THSD4: variants seen among roughly 807,000 people sequenced by gnomAD.
THSD4 encodes the protein thrombospondin type 1 domain containing 4.
In THSD4, 69 loss-of-function variants were observed where a neutral mutation model predicts 119.0. The observed-to-expected ratio is 0.58, with a 90% confidence interval of 0.48 to 0.71. THSD4 has a LOEUF of 0.71. Among genes scored for constraint, THSD4 ranks in the 30% least tolerant of loss-of-function variants. The probability of loss-of-function intolerance (pLI) is 0.00; values close to 1 mark genes in which losing one functional copy is unlikely to be tolerated. For missense variants in THSD4, 1,393 were observed against 1,391.1 expected (o/e 1.00, Z -0.02); for synonymous variants, 524 against 540.4 (o/e 0.97, Z 0.42).
rs1283157884 is a variant in THSD4 at position 71,215,183 on chromosome 15, G to A, written c.248G>A (p.Arg83His). The A allele has an allele frequency of 5.1e-6, 7 of 1,364,922 alleles. 1 individual carries two copies. In the South Asian group the frequency reaches 6.7e-5, roughly 13 times the overall value. 84.6% of individuals were successfully genotyped at this position (1,364,922 alleles called of 1,614,324 possible). A position where few individuals can be genotyped will look rare whatever the true frequency, so the allele number is the denominator to read the frequency against. ...VMEQTRPCLP[R>H]SYRLRGGQRP... ...GAGCAGACGCGGCCCTGCCTGCCCCGCTCCTACCGCCTGCGCGGCGGCCAG... is the reference window on the plus strand; with the variant it reads ...GAGCAGACGCGGCCCTGCCTGCCCCACTCCTACCGCCTGCGCGGCGGCCAG... Residue 83 changes from arginine (R) to histidine (H), a missense_variant, in exon 4 of 18, where the codon CGC becomes CAC. Transcript: ENST00000261862.
At chr15:71,288,102 TATCAAAAAAAATGA>T (rs1209356628) in intron 6 of THSD4, among the ~76,000 whole-genome samples, 1 of 152,202 alleles carries the variant, frequency 6.6e-6, no homozygotes, top group African/African-American at 2.4e-5. Context: ...GTAAAATGCT[TATCAAAAAAAATGA>T]ATTATACAGT....
intron 7 of THSD4, among the ~76,000 whole-genome samples, chr15:71,596,756 G>A (rs4238442): frequency 0.91 from 139,039 of 152,252 alleles, 64,887 homozygotes; most frequent in East Asian, 1. Context: ...AGAATCCTGC[G>A]GGCCTCCTGG....
At chr15:71,682,992 C>T (rs1379610924) in intron 8 of THSD4, among the ~76,000 whole-genome samples, 1 of 143,106 alleles carries the variant, frequency 7.0e-6, no homozygotes, top group Non-Finnish European at 1.5e-5. Flanking sequence ...GCAATCATGG[C>T]TCACTGCAGC....
At chr15:71,554,453 A>G (rs1466274388) in intron 7 of THSD4, among the ~76,000 whole-genome samples, 5 of 151,768 alleles carry the variant, frequency 3.3e-5, no homozygotes, top group Non-Finnish European at 5.9e-5. Context: ...CAGTGCCCCA[A>G]TCACGTCTCA....
At chr15:71,718,455 A>C (rs2052651445) in intron 8 of THSD4, among the ~76,000 whole-genome samples, 1 of 152,164 alleles carries the variant, frequency 6.6e-6, no homozygotes, top group Non-Finnish European at 1.5e-5. Flanking sequence ...GAGGCATGGT[A>C]GGTACGTGAG....
chr15:71,523,365 CTGTGTTTCTCTT>C (rs1446643495), intron 7 of THSD4, among the ~76,000 whole-genome samples: 5 of 152,196 alleles, frequency 3.3e-5, no homozygotes, highest in Non-Finnish European at 5.9e-5. Flanking sequence ...TCTTTTCTCT[CTGTGTTTCTCTT>C]CTGTGTGTCT....
chr15:71,632,624 TC>T (rs1416385128), intron 7 of THSD4, among the ~76,000 whole-genome samples: 5 of 152,262 alleles, frequency 3.3e-5, no homozygotes, highest in African/African-American at 1.2e-4. Context: ...TGGAGTGAAC[TC>T]CCCTAACCCA....
chr15:71,108,238 C>T (rs1228358048), intron 1 of THSD4, among the ~76,000 whole-genome samples: 1 of 152,158 alleles, frequency 6.6e-6, no homozygotes, highest in Non-Finnish European at 1.5e-5. Context: ...CAAAACTGTT[C>T]CTGAACAAAC....
intron 7 of THSD4, among the ~76,000 whole-genome samples, chr15:71,585,543 T>C (rs2140858620): frequency 6.6e-6 from 1 of 152,336 alleles, no homozygotes; most frequent in Non-Finnish European, 1.5e-5. Context: ...TTGGTTATAA[T>C]GTGTCTCAGT....
rs540470993 is a variant in THSD4 at position 71,448,998 on chromosome 15, G to C, written c.1152+37175G>C. ...GTACATACAAACCCCCTTGCCTTCT[G>C]TTCATTCTCCCTCACAGCAGCCAAA... On this transcript the variant is annotated intron_variant, in intron 7 of 17. Coordinates refer to ENST00000261862, the MANE Select transcript of THSD4 (RefSeq NM_024817.3). Among the ~76,000 whole-genome samples the C allele has an allele frequency of 8.5e-5, 13 of 152,280 alleles. No homozygotes were observed. In the South Asian group the frequency reaches 2.7e-3, roughly 32 times the overall value.
chr15:71,687,745 A>C (rs1356234623), intron 8 of THSD4, among the ~76,000 whole-genome samples: 2 of 119,738 alleles, frequency 1.7e-5, no homozygotes, highest in African/African-American at 6.1e-5. Context: ...ACAAGAGTGA[A>C]ACTCTGTCTC....
At chr15:71,511,990 GC>G (rs1484040100) in intron 7 of THSD4, among the ~76,000 whole-genome samples, 1 of 152,104 alleles carries the variant, frequency 6.6e-6, no homozygotes, top group African/African-American at 2.4e-5. Flanking sequence ...TGCTGTTTGG[GC>G]CATCTAGGCA....
intron 2 of THSD4, among the ~76,000 whole-genome samples, chr15:71,143,282 T>C (rs1043144095): frequency 3.3e-5 from 5 of 152,232 alleles, no homozygotes; most frequent in South Asian, 4.2e-4. Context: ...TTTTTAAAAC[T>C]ATAGTTTAAA....
intron 1 of THSD4, 98 bp from the exon 2 acceptor site, chr15:71,141,351 A>G: frequency 1.6e-6 from 1 of 628,594 alleles, no homozygotes; most frequent in Non-Finnish European, 2.6e-6. Flanking sequence ...TTGTTTTAGT[A>G]TCTTCCATTT....
chr15:71,354,555 T>C (rs1267407353), intron 6 of THSD4, among the ~76,000 whole-genome samples: 2 of 152,232 alleles, frequency 1.3e-5, no homozygotes, highest in Non-Finnish European at 2.9e-5. Flanking sequence ...AACATAAATT[T>C]GTTGAATGCC....
intron 7 of THSD4, among the ~76,000 whole-genome samples, chr15:71,655,125 T>C (rs1181259202): frequency 1.3e-5 from 2 of 152,180 alleles, no homozygotes; most frequent in East Asian, 1.9e-4. Context: ...CTGGAAAAAA[T>C]ACAAAGGACA....
chr15:71,713,574 G>A (rs1298737483), intron 8 of THSD4, among the ~76,000 whole-genome samples: 1 of 152,106 alleles, frequency 6.6e-6, no homozygotes, highest in Non-Finnish European at 1.5e-5. Flanking sequence ...AAGCTTCATT[G>A]TGATATTTCA....
intron 7 of THSD4, among the ~76,000 whole-genome samples, chr15:71,428,765 C>G (rs2046906388): frequency 6.6e-6 from 1 of 152,146 alleles, no homozygotes; most frequent in Admixed American, 6.5e-5. Context: ...CCCCAGGGCC[C>G]CAACAGGAAA....
Position 71,373,860 on chromosome 15 carries a change from A to G in THSD4, c.1016-37827A>G, listed in dbSNP as rs557551114. The stretch of plus-strand genomic sequence containing the variant: ...TGAGTGAGTGTTTCTTGGAGAAAGC[A>G]TTATATACACACAAATGCTGCATGA... On this transcript the variant is annotated intron_variant, in intron 6 of 17. Coordinates refer to ENST00000261862, the MANE Select transcript of THSD4 (RefSeq NM_024817.3). Among the ~76,000 whole-genome samples the G allele has an allele frequency of 5.3e-5, 8 of 152,358 alleles. No individual in the cohort carries two copies. In the East Asian group the frequency reaches 1.5e-3, roughly 29 times the overall value.
Sources: allele counts gnomAD v4.1 joint callset (sites outside exome capture counted in the v4.1 genomes callset), GRCh38; gene constraint gnomAD v4.1.1; transcripts MANE v1.5; gene names NCBI Gene and HGNC (gene_info 2026-07-23, HGNC 2026-07-21).